RALGPS2: variants seen among roughly 807,000 people sequenced by gnomAD.
RALGPS2 encodes ras-specific guanine nucleotide-releasing factor RalGPS2.
Under a neutral mutation model 86.8 loss-of-function variants are expected in RALGPS2, and 43 were observed. That is an observed-to-expected ratio of 0.50 (90% confidence interval 0.39 to 0.64). The LOEUF is 0.64. Among genes scored for constraint, RALGPS2 ranks in the 30% least tolerant of loss-of-function variants. The probability of loss-of-function intolerance (pLI) is 0.00; values close to 1 mark genes in which losing one functional copy is unlikely to be tolerated. For synonymous variants in RALGPS2, 243 were observed against 231.3 expected, an observed-to-expected ratio of 1.05 and a Z score of -0.46; for missense variants, 536 against 694.6, an observed-to-expected ratio of 0.77 and a Z score of 2.57.
At chr1:178,877,746 T>C (rs1190452211) in intron 9 of RALGPS2, 111 bp downstream of exon 9, 15 of 1,319,774 alleles carry the variant, frequency 1.1e-5, no homozygotes, top group Non-Finnish European at 1.5e-5. Flanking sequence ...ATTTCTTATT[T>C]CCATTCTAAT....
At chr1:178,803,369 T>G (rs1024026915) in intron 4 of RALGPS2, among the ~76,000 whole-genome samples, 3 of 152,186 alleles carry the variant, frequency 2.0e-5, no homozygotes, top group Non-Finnish European at 4.4e-5. Flanking sequence ...ATAGACACTT[T>G]GATTATAGCA....
chr1:178,797,985 TAAAA>T (rs57049056), intron 4 of RALGPS2, among the ~76,000 whole-genome samples: 15 of 95,418 alleles, frequency 1.6e-4, no homozygotes, highest in African/African-American at 5.1e-4. Context: ...CAACAATTTG[TAAAA>T]AAAAAAAAAA....
chr1:178,837,902 G>T (rs1656359870), intron 8 of RALGPS2, among the ~76,000 whole-genome samples: 1 of 152,230 alleles, frequency 6.6e-6, no homozygotes, highest in Non-Finnish European at 1.5e-5. Flanking sequence ...GGCTCAGAGG[G>T]TGCCACGCCC....
At chr1:178,752,422 C>A (rs1183538863) in intron 1 of RALGPS2, among the ~76,000 whole-genome samples, 2 of 151,854 alleles carry the variant, frequency 1.3e-5, no homozygotes, top group African/African-American at 4.8e-5. Flanking sequence ...CTTCCCTCTC[C>A]CAAAGTGGTG....
intron 1 of RALGPS2, among the ~76,000 whole-genome samples, chr1:178,775,752 A>T (rs1233991907): frequency 6.6e-6 from 1 of 152,108 alleles, no homozygotes; most frequent in Non-Finnish European, 1.5e-5. Context: ...ATCTTCCCTA[A>T]TTAGTGTTAT....
chr1:178,755,879 T>C (rs553364613), intron 1 of RALGPS2, among the ~76,000 whole-genome samples: 1 of 152,368 alleles, frequency 6.6e-6, no homozygotes, highest in East Asian at 1.9e-4. Context: ...TAATACCCAT[T>C]CTCACTGGTG....
rs753209420 is a variant in RALGPS2, at chr1:178,902,069, A to G, written c.1525-37A>G. 10 of 1,502,342 alleles carry G rather than the reference A, an allele frequency of 6.7e-6. No individual in the cohort carries two copies. The East Asian group carries it at 2.3e-4, about 34-fold the overall frequency. 93.1% of individuals were successfully genotyped at this position (1,502,342 alleles called of 1,614,324 possible). A position where few individuals can be genotyped will look rare whatever the true frequency, so the allele number is the denominator to read the frequency against. ...GAAGTTTTGCTAGAATAAACCATAA[A>G]TTTTCTGTTTCCGCTAATTATCTTT... On this transcript the variant is annotated intron_variant, in intron 17 of 19. Transcript: ENST00000367635.
At chr1:178,729,980 C>T (rs1650243439) in intron 1 of RALGPS2, among the ~76,000 whole-genome samples, 1 of 152,148 alleles carries the variant, frequency 6.6e-6, no homozygotes, top group African/African-American at 2.4e-5. Context: ...ATTGCTCTAT[C>T]GCCCAGGCTG....
intron 14 of RALGPS2, 39 bp from the exon 15 acceptor site, chr1:178,892,191 G>A: frequency 5.2e-6 from 8 of 1,544,648 alleles, no homozygotes; most frequent in African/African-American, 2.7e-5. Flanking sequence ...GTGAATAAAA[G>A]TATATGTAAT....
intron 8 of RALGPS2, among the ~76,000 whole-genome samples, chr1:178,846,047 GTTA>G (rs1202625173): frequency 1.3e-5 from 2 of 152,166 alleles, no homozygotes; most frequent in Non-Finnish European, 2.9e-5. Context: ...GTAGAATATA[GTTA>G]TTTAGTTTTA....
rs1414858504 is a variant in RALGPS2, at chr1:178,865,533, T to C, written c.608-11965T>C. Reference sequence around the variant, plus strand: ...TCCTTCAGGTTTTCAAGGTCCATCCTGGTGATCATGTCTTTAATGGTACTT... The same window carrying C: ...TCCTTCAGGTTTTCAAGGTCCATCCCGGTGATCATGTCTTTAATGGTACTT... On this transcript the variant is annotated intron_variant, in intron 8 of 19. Coordinates refer to ENST00000367635, the MANE Select transcript of RALGPS2 (RefSeq NM_152663.5). 2.5e-6 allele frequency: 4 copies of C among 1,614,158 alleles called. No homozygotes were observed. The South Asian group carries it at 3.3e-5, about 13-fold the overall frequency.
intron 11 of RALGPS2, among the ~76,000 whole-genome samples, chr1:178,884,243 C>CT (rs1311853960): frequency 6.6e-6 from 1 of 152,088 alleles, no homozygotes; most frequent in Non-Finnish European, 1.5e-5. Flanking sequence ...CAAATGTTCA[C>CT]TTTAATACTA....
At chr1:178,730,127 A>C (rs917827455) in intron 1 of RALGPS2, among the ~76,000 whole-genome samples, 1 of 152,064 alleles carries the variant, frequency 6.6e-6, no homozygotes, top group Non-Finnish European at 1.5e-5. Context: ...TTTGTAGTAG[A>C]GACGGGTTTT....
At chr1:178,861,905 C>G (rs957694847) in intron 8 of RALGPS2, among the ~76,000 whole-genome samples, 7 of 152,102 alleles carry the variant, frequency 4.6e-5, no homozygotes, top group African/African-American at 1.7e-4. Flanking sequence ...TTGAGTCTCA[C>G]TCTGTTGCCC....
intron 7 of RALGPS2, among the ~76,000 whole-genome samples, chr1:178,827,841 A>G (rs1348960333): frequency 6.6e-6 from 1 of 152,240 alleles, no homozygotes; most frequent in Non-Finnish European, 1.5e-5. Context: ...CTCAACAAAG[A>G]TAACAAGAAC....
In RALGPS2 at chr1:178,801,663, G is replaced by A. The variant is rs1407486931; in HGVS notation, c.214-6382G>A. Reference sequence around the variant, plus strand: ...AATGCTTTGTCACTTGAGGAAAACTGTTGGAAGGTGACTGAAAGGAAATCA... The same window carrying A: ...AATGCTTTGTCACTTGAGGAAAACTATTGGAAGGTGACTGAAAGGAAATCA... On this transcript the variant is annotated intron_variant, in intron 4 of 19. Coordinates refer to ENST00000367635, the MANE Select transcript of RALGPS2 (RefSeq NM_152663.5). 2.0e-5 allele frequency among the ~76,000 whole-genome samples: 3 copies of A among 152,280 alleles called. No individual in the cohort carries two copies. The East Asian group carries it at 5.8e-4, about 29-fold the overall frequency.
intron 4 of RALGPS2, among the ~76,000 whole-genome samples, chr1:178,800,126 G>C (rs186522696): frequency 5.9e-5 from 9 of 152,270 alleles, no homozygotes; most frequent in South Asian, 2.1e-4. Context: ...AGTGCCAGAT[G>C]ATGAGGAAGA....
intron 6 of RALGPS2, among the ~76,000 whole-genome samples, chr1:178,820,001 G>A (rs941762332): frequency 3.3e-5 from 5 of 152,100 alleles, no homozygotes; most frequent in East Asian, 1.9e-4. Context: ...TTTTAGAAAG[G>A]TGGTATAGTT....
chr1:178,772,695 GT>G (rs1652865665), intron 1 of RALGPS2, among the ~76,000 whole-genome samples: 1 of 152,152 alleles, frequency 6.6e-6, no homozygotes, highest in Non-Finnish European at 1.5e-5. Flanking sequence ...TACTTTCATA[GT>G]TTAGTTCAAA....
Sources: gnomAD v4.1 joint callset for allele counts (sites outside exome capture counted in the v4.1 genomes callset) on GRCh38, gnomAD v4.1.1 for gene constraint, MANE v1.5 for transcripts, NCBI Gene and HGNC (gene_info 2026-07-23, HGNC 2026-07-21) for gene names.